The following AOPEP variants were observed in gnomAD, a reference collection of about 807,000 sequenced individuals.
AOPEP encodes the protein aminopeptidase O.
Under a neutral mutation model 98.1 loss-of-function variants are expected in AOPEP, and 77 were observed. The observed-to-expected ratio is 0.78, with a 90% CI of 0.65 to 0.95. The LOEUF (loss-of-function observed/expected upper bound fraction) is 0.95, where lower values mean the gene tolerates loss of function less well. AOPEP is among the 40% of genes least tolerant of loss of function. The pLI, the probability that AOPEP is intolerant of heterozygous loss-of-function variation, is 0.00. For synonymous variants in AOPEP, 346 were observed against 365.3 expected, an observed-to-expected ratio of 0.95 and a Z score of 0.60; for missense variants, 1,024 against 1,024.7, an observed-to-expected ratio of 1.00 and a Z score of 0.01.
the AOPEP span, among the ~76,000 whole-genome samples, chr9:95,098,889 G>A: frequency 2.0e-5 from 3 of 152,172 alleles, no homozygotes; most frequent in Non-Finnish European, 4.4e-5. Flanking sequence ...AGGACCCTTA[G>A]TTTTTAGGTA....
intron 1 of AOPEP, among the ~76,000 whole-genome samples, chr9:94,756,381 T>C (rs1837052296): frequency 6.6e-6 from 1 of 151,326 alleles, no homozygotes; most frequent in Admixed American, 6.6e-5. Context: ...CTGGGCAACA[T>C]GGCAAGACCT....
chr9:94,948,754 A>G (rs186231455), intron 7 of AOPEP, among the ~76,000 whole-genome samples: 18 of 152,304 alleles, frequency 1.2e-4, no homozygotes, highest in Admixed American at 1.1e-3. Context: ...TAGCTTGAAA[A>G]TCATTCTCCT....
At chr9:94,875,699 A>G (rs950570695) in intron 5 of AOPEP, among the ~76,000 whole-genome samples, 2 of 152,240 alleles carry the variant, frequency 1.3e-5, no homozygotes, top group Non-Finnish European at 2.9e-5. Context: ...GTGAGTACGT[A>G]TGCTTTCTCA....
the AOPEP span, among the ~76,000 whole-genome samples, chr9:95,104,187 T>G: frequency 6.6e-5 from 10 of 152,116 alleles, no homozygotes; most frequent in South Asian, 2.1e-4. Flanking sequence ...CCAGAGGCCC[T>G]CCCTGCCACG....
chr9:94,836,835 T>C (rs546144901), intron 5 of AOPEP, among the ~76,000 whole-genome samples: 4 of 152,228 alleles, frequency 2.6e-5, no homozygotes, highest in Non-Finnish European at 5.9e-5. Context: ...TTGTATGCTT[T>C]ATAATTAGAA....
intron 13 of AOPEP, chr9:95,056,166 C>G (rs1487354815): frequency 1.3e-5 from 2 of 152,238 alleles, no homozygotes; most frequent in Non-Finnish European, 2.9e-5. Context: ...CATTTAGGCA[C>G]AGATCCCAGA....
chr9:94,789,134 A>G (rs1045891884), intron 3 of AOPEP, among the ~76,000 whole-genome samples: 1 of 152,212 alleles, frequency 6.6e-6, no homozygotes, highest in Non-Finnish European at 1.5e-5. Flanking sequence ...CCACTCTGCC[A>G]TCTGCATTCT....
At chr9:94,798,309 AC>A (rs1209486334) in intron 4 of AOPEP, among the ~76,000 whole-genome samples, 1 of 152,190 alleles carries the variant, frequency 6.6e-6, no homozygotes, top group Non-Finnish European at 1.5e-5. Context: ...ACTAATTCAC[AC>A]AACTAGAATC....
At chr9:94,863,716 A>G (rs1389191013) in intron 5 of AOPEP, among the ~76,000 whole-genome samples, 1 of 152,204 alleles carries the variant, frequency 6.6e-6, no homozygotes, top group Non-Finnish European at 1.5e-5. Flanking sequence ...ACGCCTGGCC[A>G]TAGCATATGA....
chr9:95,071,578 T>C (rs1041949216), intron 14 of AOPEP, among the ~76,000 whole-genome samples: 4 of 152,182 alleles, frequency 2.6e-5, no homozygotes. Flanking sequence ...GAATCCTGGC[T>C]CCAGGATTGC....
At chr9:95,086,219 G>C (rs2070675447) in intron 16 of AOPEP, 1 of 1,279,602 alleles carries the variant, frequency 7.8e-7, no homozygotes, top group Non-Finnish European at 1.0e-6. Flanking sequence ...CACGGTGCCA[G>C]TCATCTGCAT....
At chr9:94,957,688 A>T (rs1163581044) in intron 9 of AOPEP, among the ~76,000 whole-genome samples, 1 of 152,188 alleles carries the variant, frequency 6.6e-6, no homozygotes, top group Non-Finnish European at 1.5e-5. Flanking sequence ...CCCAGAAGAA[A>T]TCATTAGCAG....
chr9:95,012,994 G>A (rs1267686749), intron 13 of AOPEP, among the ~76,000 whole-genome samples: 2 of 137,554 alleles, frequency 1.5e-5, no homozygotes, highest in African/African-American at 2.6e-5. Flanking sequence ...TTTTGGGGGG[G>A]GGGGCAGGGC....
chr9:94,813,043 G>T (rs1187514165), intron 5 of AOPEP, among the ~76,000 whole-genome samples: 1 of 152,128 alleles, frequency 6.6e-6, no homozygotes, highest in Non-Finnish European at 1.5e-5. Flanking sequence ...CAAGGAGTGG[G>T]CTGTACAAAG....
At chr9:95,110,227 TAA>T in the AOPEP span, 2 of 998,134 alleles carry the variant, frequency 2.0e-6, no homozygotes, top group Non-Finnish European at 1.2e-6. Flanking sequence ...TTCTAGAAAT[TAA>T]GTGTTATTGA....
intron 5 of AOPEP, among the ~76,000 whole-genome samples, chr9:94,811,171 CG>C (rs1291429777): frequency 6.6e-6 from 1 of 152,188 alleles, no homozygotes; most frequent in Non-Finnish European, 1.5e-5. Context: ...GAACTCAGAG[CG>C]GGGGAATGGA....
At chr9:94,734,062 A>G (rs1353616836) in intron 1 of AOPEP, among the ~76,000 whole-genome samples, 1 of 152,102 alleles carries the variant, frequency 6.6e-6, no homozygotes, top group Non-Finnish European at 1.5e-5. Context: ...TTATTTATTT[A>G]TTTTTATTGA....
chr9:94,857,233 T>C (rs990569443), intron 5 of AOPEP, among the ~76,000 whole-genome samples: 9 of 152,208 alleles, frequency 5.9e-5, no homozygotes, highest in African/African-American at 1.9e-4. Context: ...CTTTTCTCTA[T>C]CCCTCTCATC....
chr9:95,100,962 C>T, the AOPEP span: 1 of 233,078 alleles, frequency 4.3e-6, no homozygotes, highest in South Asian at 1.8e-4. Flanking sequence ...TTCCAATTCC[C>T]ATTTCCATTT....
Sources: gnomAD v4.1 joint callset for allele counts (sites outside exome capture counted in the v4.1 genomes callset) on GRCh38, gnomAD v4.1.1 for gene constraint, MANE v1.5 for transcripts, NCBI Gene and HGNC (gene_info 2026-07-23, HGNC 2026-07-21) for gene names.